The following VMP1 variants were observed in gnomAD, a reference collection of about 807,000 sequenced individuals.
VMP1 encodes the protein ectopic P-granules autophagy protein 3 homolog.
VMP1 carries 11 observed loss-of-function variants against 56.0 expected under a neutral mutation model. That is an observed-to-expected ratio of 0.20 (90% CI 0.12 to 0.32). The LOEUF (loss-of-function observed/expected upper bound fraction) is 0.32, where lower values mean the gene tolerates loss of function less well. VMP1 is among the 10% of genes least tolerant of loss of function. The pLI, the probability that VMP1 is intolerant of heterozygous loss-of-function variation, is 1.00. For synonymous variants in VMP1, 149 were observed against 165.0 expected, an observed-to-expected ratio of 0.90 and a Z score of 0.74; for missense variants, 296 against 490.3, an observed-to-expected ratio of 0.60 and a Z score of 3.74.
intron 1 of VMP1, among the ~76,000 whole-genome samples, chr17:59,709,920 G>C (rs1036611670): frequency 6.6e-6 from 1 of 152,172 alleles, no homozygotes; most frequent in Non-Finnish European, 1.5e-5. Flanking sequence ...TTATTGGGCC[G>C]GGCGCGGTGG....
chr17:59,823,388 T>G (rs1440563180), intron 10 of VMP1, among the ~76,000 whole-genome samples: 2 of 141,642 alleles, frequency 1.4e-5, no homozygotes, highest in Non-Finnish European at 3.1e-5. Flanking sequence ...GAGGCGGAGG[T>G]TGCAGTGAGC....
intron 7 of VMP1, among the ~76,000 whole-genome samples, chr17:59,783,746 C>A (rs868376183): frequency 6.6e-6 from 1 of 152,076 alleles, no homozygotes; most frequent in Admixed American, 6.6e-5. Flanking sequence ...CTTACATGCC[C>A]TCTCTTCTCC....
At chr17:59,727,630 CT>C (rs2034659615) in intron 1 of VMP1, among the ~76,000 whole-genome samples, 1 of 152,098 alleles carries the variant, frequency 6.6e-6, no homozygotes, top group African/African-American at 2.4e-5. Flanking sequence ...GACCCCCGAA[CT>C]TTTAAAATGA....
intron 5 of VMP1, among the ~76,000 whole-genome samples, chr17:59,757,233 G>A (rs1220410047): frequency 7.2e-6 from 1 of 138,638 alleles, no homozygotes; most frequent in Non-Finnish European, 1.6e-5. Context: ...TACCAGATTA[G>A]GATGGAGATA....
At chr17:59,729,551 T>C (rs2034740653) in intron 1 of VMP1, among the ~76,000 whole-genome samples, 1 of 152,024 alleles carries the variant, frequency 6.6e-6, no homozygotes, top group Non-Finnish European at 1.5e-5. Flanking sequence ...CTGAGTCATA[T>C]GGTAACTGTA....
At position 59,841,076 on chromosome 17, in the gene VMP1, A is replaced by C. The variant is rs2039142105; in HGVS notation, c.*1165A>C. ...GTTTTGCTTGGGAGGAAAATAAACA[A>C]TTTTACTTTTTTCCTTTAGGAGCAT... On this transcript the variant is annotated 3_prime_UTR_variant, in exon 12 of 12. Transcript: ENST00000262291. 5.9e-6 allele frequency: 1 copy of C among 170,596 alleles called. No individual in the cohort carries two copies. The highest frequency in any genetic ancestry group is 1.3e-5 in the Non-Finnish European group (1 of 76,352). The allele number at this position is 170,596 out of a possible 1,614,324, so 10.6% of individuals were successfully genotyped here.
intron 7 of VMP1, among the ~76,000 whole-genome samples, chr17:59,776,395 GCCA>G (rs2036618819): frequency 6.6e-6 from 1 of 152,066 alleles, no homozygotes; most frequent in Admixed American, 6.5e-5. Context: ...TGCCTTATCT[GCCA>G]ACCAAATATT....
At position 59,801,112 on chromosome 17, in the gene VMP1, ATGTGTGTG is replaced by A. The variant is rs71145573; in HGVS notation, c.715-7654_715-7647del. On this transcript the variant is annotated intron_variant, in intron 7 of 11. Coordinates refer to ENST00000262291, the MANE Select transcript of VMP1 (RefSeq NM_030938.5). ...AAAAAATATATATATATATATATAT[ATGTGTGTG>A]TGTGTGTGTGTGTGTGTGTGTGTGT... Among the ~76,000 whole-genome samples the A allele has an allele frequency of 1.1e-3, 118 of 110,320 alleles. 4 individuals carry two copies. Among genetic ancestry groups the A allele is most frequent in the African/African-American group, 4.6e-3 (104 of 22,734 alleles). The allele number at this position is 110,320 out of a possible 152,430, so 72.4% of individuals were successfully genotyped here. A position where few individuals can be genotyped will look rare whatever the true frequency, so the allele number is the denominator to read the frequency against.
At chr17:59,751,037 A>G (rs774882297) in intron 5 of VMP1, among the ~76,000 whole-genome samples, 14 of 143,030 alleles carry the variant, frequency 9.8e-5, no homozygotes, top group Non-Finnish European at 3.0e-5. Flanking sequence ...GGTTCACGCC[A>G]TTCCCCTGCC....
At chr17:59,725,976 C>CA (rs1195208103) in intron 1 of VMP1, among the ~76,000 whole-genome samples, 2 of 152,138 alleles carry the variant, frequency 1.3e-5, no homozygotes, top group Non-Finnish European at 2.9e-5. Flanking sequence ...AAAACAATGA[C>CA]ACTATGGGAA....
At chr17:59,809,012 T>TG in intron 8 of VMP1, 136 bp downstream of exon 8, 3 of 732,414 alleles carry the variant, frequency 4.1e-6, no homozygotes, top group South Asian at 2.1e-5. Flanking sequence ...CCTTTTTTTT[T>TG]TTTTAAGACG....
At chr17:59,790,683 G>A (rs1056780797) in intron 7 of VMP1, among the ~76,000 whole-genome samples, 3 of 152,014 alleles carry the variant, frequency 2.0e-5, no homozygotes, top group Admixed American at 1.3e-4. Flanking sequence ...CCCAGCTACC[G>A]GGGAGGCTGA....
intron 10 of VMP1, among the ~76,000 whole-genome samples, chr17:59,827,936 A>C (rs2038693915): frequency 6.6e-6 from 1 of 151,862 alleles, no homozygotes; most frequent in African/African-American, 2.4e-5. Context: ...CCTGTTCCCA[A>C]AAAAAAGCTG....
At chr17:59,815,804 C>G (rs2144247884) in intron 9 of VMP1, among the ~76,000 whole-genome samples, 1 of 143,268 alleles carries the variant, frequency 7.0e-6, no homozygotes, top group African/African-American at 2.5e-5. Flanking sequence ...TGCAGTGAGC[C>G]CAGATTGAGC....
At position 59,793,611 on chromosome 17, in the gene VMP1, CAT is replaced by C. The variant is rs1463773914; in HGVS notation, c.715-15184_715-15183del. Among the ~76,000 whole-genome samples, 6 of 115,146 alleles carry C rather than the reference CAT, an allele frequency of 5.2e-5. 1 individual carries two copies. The highest frequency in any genetic ancestry group is 1.3e-4 in the African/African-American group (5 of 38,464). The allele number at this position is 115,146 out of a possible 152,430, so 75.5% of individuals were successfully genotyped here. A position where few individuals can be genotyped will look rare whatever the true frequency, so the allele number is the denominator to read the frequency against. Reference sequence around the variant, plus strand: ...GTTTGTGCGTGTGTGCACGCGTGCGCATGTGTGTGTGTGTTTATTTATTTATT... The same window carrying C: ...GTTTGTGCGTGTGTGCACGCGTGCGCGTGTGTGTGTGTTTATTTATTTATT... On this transcript the variant is annotated intron_variant, in intron 7 of 11. Transcript: ENST00000262291.
intron 7 of VMP1, among the ~76,000 whole-genome samples, chr17:59,787,643 G>A (rs1429663750): frequency 1.3e-5 from 2 of 151,990 alleles, no homozygotes; most frequent in African/African-American, 4.8e-5. Flanking sequence ...CCAACATGGT[G>A]AAACCCCATC....
At chr17:59,775,708 C>T (rs1337200918) in intron 7 of VMP1, among the ~76,000 whole-genome samples, 1 of 152,150 alleles carries the variant, frequency 6.6e-6, no homozygotes, top group Non-Finnish European at 1.5e-5. Context: ...AATGAATGCC[C>T]TGGAGTATTC....
At chr17:59,724,977 C>CAAAAACA (rs1226574532) in intron 1 of VMP1, among the ~76,000 whole-genome samples, 1 of 116,690 alleles carries the variant, frequency 8.6e-6, no homozygotes, top group Middle Eastern at 4.7e-3. Flanking sequence ...AAAAAAAAAA[C>CAAAAACA]AAAAACAAAA....
rs375409923 is a variant in VMP1, at chr17:59,841,272, G to A, written c.*1361G>A. The A allele has an allele frequency of 5.9e-6, 3 of 505,538 alleles. No homozygotes were observed. The highest frequency in any genetic ancestry group is 3.9e-5 in the African/African-American group (2 of 51,558). The allele number at this position is 505,538 out of a possible 1,614,324, so 31.3% of individuals were successfully genotyped here. A position where few individuals can be genotyped will look rare whatever the true frequency, so the allele number is the denominator to read the frequency against. On this transcript the variant is annotated 3_prime_UTR_variant, in exon 12 of 12. Transcript: ENST00000262291. ...CTCCATGGCTGTACCACCTTGTCGG[G>A]TAGCTTATCAGACTGATGTTGACTG...
Sources: allele counts gnomAD v4.1 joint callset (sites outside exome capture counted in the v4.1 genomes callset), GRCh38; gene constraint gnomAD v4.1.1; transcripts MANE v1.5; gene names NCBI Gene and HGNC (gene_info 2026-07-23, HGNC 2026-07-21).